TMEM207: variants seen among roughly 807,000 people sequenced by gnomAD.
TMEM207 encodes the protein transmembrane protein 207.
Under a neutral mutation model 17.4 loss-of-function variants are expected in TMEM207, and 15 were observed. The observed-to-expected ratio is 0.86, with a 90% CI of 0.58 to 1.33. The LOEUF (loss-of-function observed/expected upper bound fraction) is 1.33, where lower values mean the gene tolerates loss of function less well. Ranked by LOEUF, TMEM207 falls within the 40% of genes most tolerant of loss-of-function variation. The probability of loss-of-function intolerance (pLI) is 0.00; values close to 1 mark genes in which losing one functional copy is unlikely to be tolerated. For synonymous variants in TMEM207, 70 were observed against 65.6 expected, an observed-to-expected ratio of 1.07 and a Z score of -0.33; for missense variants, 205 against 173.8, an observed-to-expected ratio of 1.18 and a Z score of -1.01.
chr3:190,436,503 A>C (rs1577443997), intron 4 of TMEM207, among the ~76,000 whole-genome samples: 1 of 152,172 alleles, frequency 6.6e-6, no homozygotes, highest in Non-Finnish European at 1.5e-5. Context: ...TGGCAGCTGG[A>C]CTCAGTTCTC....
chr3:190,437,686 G>A (rs966031815), intron 4 of TMEM207, among the ~76,000 whole-genome samples: 2 of 152,054 alleles, frequency 1.3e-5, no homozygotes, highest in African/African-American at 4.8e-5. Flanking sequence ...GTAAGTCAGT[G>A]TGGCGATTCC....
chr3:190,443,287 C>T (rs954163279), intron 2 of TMEM207, among the ~76,000 whole-genome samples: 1 of 151,276 alleles, frequency 6.6e-6, no homozygotes, highest in Non-Finnish European at 1.5e-5. Context: ...CTTTACTTAT[C>T]GTTAAACTCA....
chr3:190,433,716 T>TGCA (rs1320512587), intron 4 of TMEM207, among the ~76,000 whole-genome samples: 1 of 152,208 alleles, frequency 6.6e-6, no homozygotes, highest in African/African-American at 2.4e-5. Context: ...AAACTGGTTT[T>TGCA]GCAGATTGAT....
intron 1 of TMEM207, among the ~76,000 whole-genome samples, chr3:190,448,954 A>C (rs1560110013): frequency 6.6e-6 from 1 of 152,222 alleles, no homozygotes; most frequent in Non-Finnish European, 1.5e-5. Context: ...AGATTTGCAT[A>C]CTAAGTGAAA....
Position 190,429,438 on chromosome 3 carries a change from T to A in TMEM207, c.*157A>T. On this transcript the variant is annotated 3_prime_UTR_variant, in exon 5 of 5. Coordinates refer to ENST00000354905, the MANE Select transcript of TMEM207 (RefSeq NM_207316.3). ...TATTTAAACATCTCCATGACCAAAA[T>A]TTTTTCCAACATCCATTCTTTTGTC... 2 of 1,076,638 alleles carry A rather than the reference T, an allele frequency of 1.9e-6. No homozygotes were observed. Among genetic ancestry groups the A allele is most frequent in the Non-Finnish European group, 2.6e-6 (2 of 775,100 alleles). 66.7% of individuals were successfully genotyped at this position (1,076,638 alleles called of 1,614,324 possible). A position where few individuals can be genotyped will look rare whatever the true frequency, so the allele number is the denominator to read the frequency against.
Position 190,441,448 on chromosome 3 carries a change from A to T in TMEM207, c.148T>A (p.Trp50Arg). ...VNYNDQHPNGWYIWILLLLVL... is the reference protein window; with the variant it reads ...VNYNDQHPNGRYIWILLLLVL... ...GGAAGATATCCTTACCAGATATACC[A>T]GCCATTAGGGTGTTGGTCATTATAA... is the stretch of plus-strand genomic sequence containing the variant. The change falls in exon 3 of 5, where the codon TGG (tryptophan) becomes AGG (arginine). Residue 50 changes from tryptophan (W) to arginine (R), a missense_variant. Trp to Arg is a moderately radical substitution (Grantham distance 101, BLOSUM62 -3). Transcript: ENST00000354905. 1 of 1,611,930 alleles carries T rather than the reference A, an allele frequency of 6.2e-7. No homozygotes were observed. The highest frequency in any genetic ancestry group is 8.5e-7 in the Non-Finnish European group (1 of 1,178,396).
intron 4 of TMEM207, 55 bp from the exon 5 acceptor site, chr3:190,429,786 T>G (rs1719650755): frequency 1.4e-6 from 2 of 1,480,516 alleles, no homozygotes; most frequent in Non-Finnish European, 1.8e-6. Context: ...AAAACATAAG[T>G]ACATGAACTG....
intron 4 of TMEM207, 41 bp downstream of exon 4, chr3:190,440,203 A>G (rs755458062): frequency 6.4e-7 from 1 of 1,570,532 alleles, no homozygotes; most frequent in South Asian, 1.2e-5. Flanking sequence ...GCAAAACCAC[A>G]AAGTATCAAA....
rs1719642287 is a variant in TMEM207, at chr3:190,429,460, T to C, written c.*135A>G. 7.7e-7 allele frequency: 1 copy of C among 1,291,866 alleles called. No individual in the cohort carries two copies. The highest frequency in any genetic ancestry group is 2.9e-5 in the Admixed American group (1 of 34,570). 80.0% of individuals were successfully genotyped at this position (1,291,866 alleles called of 1,614,324 possible). A position where few individuals can be genotyped will look rare whatever the true frequency, so the allele number is the denominator to read the frequency against. On this transcript the variant is annotated 3_prime_UTR_variant, in exon 5 of 5. Coordinates refer to ENST00000354905, the MANE Select transcript of TMEM207 (RefSeq NM_207316.3). The stretch of plus-strand genomic sequence containing the variant: ...AAATTTTTTCCAACATCCATTCTTT[T>C]GTCGAATTGTCCTTCCTCAGACTAT...
At chr3:190,432,310 A>T (rs1171893423) in intron 4 of TMEM207, among the ~76,000 whole-genome samples, 2 of 152,158 alleles carry the variant, frequency 1.3e-5, no homozygotes, top group Non-Finnish European at 2.9e-5. Flanking sequence ...GAGTGGCCAG[A>T]AGGACTGAAT....
chr3:190,449,415 G>C (rs968145428), intron 1 of TMEM207, among the ~76,000 whole-genome samples: 1 of 152,156 alleles, frequency 6.6e-6, no homozygotes, highest in African/African-American at 2.4e-5. Flanking sequence ...TCTAGCCATA[G>C]CATTTTGTTC....
Position 190,449,890 on chromosome 3 carries a change from A to C in TMEM207, c.-81T>G. On this transcript the variant is annotated 5_prime_UTR_variant, in exon 1 of 5. Coordinates refer to ENST00000354905, the MANE Select transcript of TMEM207 (RefSeq NM_207316.3). ...TTTCTCAGAACTTACTAGCTTCTCTATAAGTTATGCTTCCTACCAGGACAT... is the reference window on the plus strand; with the variant it reads ...TTTCTCAGAACTTACTAGCTTCTCTCTAAGTTATGCTTCCTACCAGGACAT... 1 of 1,281,004 alleles carries C rather than the reference A, an allele frequency of 7.8e-7. No homozygotes were observed. The highest frequency in any genetic ancestry group is 1.1e-6 in the Non-Finnish European group (1 of 883,660). 79.4% of individuals were successfully genotyped at this position (1,281,004 alleles called of 1,614,324 possible). A position where few individuals can be genotyped will look rare whatever the true frequency, so the allele number is the denominator to read the frequency against.
At position 190,444,676 on chromosome 3, in the gene TMEM207, T is replaced by C. The variant is rs533366195; in HGVS notation, c.113+3114A>G. ...TAGCATAATGAGAGAGAATATTGGT[T>C]ATATAGTGTCCTCTAAAATTAACAA... On this transcript the variant is annotated intron_variant, in intron 2 of 4. Transcript: ENST00000354905. Among the ~76,000 whole-genome samples, 5 of 152,210 alleles carry C rather than the reference T, an allele frequency of 3.3e-5. No homozygotes were observed. The South Asian group carries it at 6.2e-4, about 19-fold the overall frequency.
At chr3:190,433,933 T>C (rs1020945166) in intron 4 of TMEM207, among the ~76,000 whole-genome samples, 4 of 152,152 alleles carry the variant, frequency 2.6e-5, no homozygotes, top group African/African-American at 9.7e-5. Flanking sequence ...CCTCCCACTC[T>C]CTTCCTCCTG....
intron 1 of TMEM207, among the ~76,000 whole-genome samples, chr3:190,448,448 A>C (rs1163706804): frequency 6.6e-6 from 1 of 152,136 alleles, no homozygotes; most frequent in Non-Finnish European, 1.5e-5. Context: ...TAAGCATTCT[A>C]AAATAATGCT....
At chr3:190,443,051 A>G (rs1172698643) in intron 2 of TMEM207, among the ~76,000 whole-genome samples, 2 of 152,154 alleles carry the variant, frequency 1.3e-5, no homozygotes, top group Admixed American at 6.5e-5. Flanking sequence ...GAACTTTAAA[A>G]TATTGTATTA....
Position 190,447,847 on chromosome 3 carries a change from C to A in TMEM207, c.76-20G>T. The A allele has an allele frequency of 6.2e-7, 1 of 1,608,112 alleles. No individual in the cohort carries two copies. Among genetic ancestry groups the A allele is most frequent in the South Asian group, 1.1e-5 (1 of 89,664 alleles). On this transcript the variant is annotated intron_variant, in intron 1 of 4. Transcript: ENST00000354905. ...CACCAACTGAAACACATGTTTAGAACAATAAAATCCAAACATCTCATCAGT... is the reference window on the plus strand; with the variant it reads ...CACCAACTGAAACACATGTTTAGAAAAATAAAATCCAAACATCTCATCAGT...
rs957801704 is a variant in TMEM207 at position 190,437,532 on chromosome 3, T to C, written c.304+2712A>G. On this transcript the variant is annotated intron_variant, in intron 4 of 4. Coordinates refer to ENST00000354905, the MANE Select transcript of TMEM207 (RefSeq NM_207316.3). ...ACAGACGTAAAACAAATTGTGACCA[T>C]ATAAACCACAATGAGATACCATCTC... 2.0e-5 allele frequency among the ~76,000 whole-genome samples: 3 copies of C among 152,174 alleles called. No individual in the cohort carries two copies. The South Asian group carries it at 6.2e-4, about 32-fold the overall frequency.
In TMEM207 at chr3:190,429,731, C is replaced by T. The variant is rs373095104; in HGVS notation, c.305G>A (p.Gly102Glu). ...FAVGDLDSIY[G>E]TEAAVSPTVG... ...AGTTGGACTCACAGCTGCTTCTGTCCCTGGAAAGAGAAAGATGAAGACTTG... is the reference window on the plus strand; with the variant it reads ...AGTTGGACTCACAGCTGCTTCTGTCTCTGGAAAGAGAAAGATGAAGACTTG... Residue 102 changes from glycine to glutamate, a missense_variant and splice_region_variant, in exon 5 of 5, where the codon GGG becomes GAG. Physicochemically the swap from Gly to Glu is moderately conservative, Grantham distance 98. Transcript: ENST00000354905. 3 of 1,595,716 alleles carry T rather than the reference C, an allele frequency of 1.9e-6. No individual in the cohort carries two copies. In the African/African-American group the frequency reaches 4.1e-5, roughly 22 times the overall value.
Sources: allele counts gnomAD v4.1 joint callset (sites outside exome capture counted in the v4.1 genomes callset), GRCh38; gene constraint gnomAD v4.1.1; transcripts MANE v1.5; gene names NCBI Gene and HGNC (gene_info 2026-07-23, HGNC 2026-07-21).